PMFBP1: variants seen among roughly 807,000 people sequenced by gnomAD.
The protein encoded by PMFBP1 is polyamine modulated factor 1 binding protein 1.
Under a neutral mutation model 137.8 loss-of-function variants are expected in PMFBP1, and 131 were observed. The ratio of observed to expected loss-of-function variants is 0.95; its 90% CI spans 0.82 to 1.10. The LOEUF is 1.10. Among genes scored for constraint, PMFBP1 ranks in the 50% least tolerant of loss-of-function variants. PMFBP1 has a pLI of 0.00. For synonymous variants in PMFBP1, 490 were observed against 450.4 expected (o/e 1.09, Z -1.11); for missense variants, 1,199 against 1,175.4 (o/e 1.02, Z -0.29).
the PMFBP1 span, among the ~76,000 whole-genome samples, chr16:72,244,202 T>C: frequency 6.6e-6 from 1 of 151,990 alleles, no homozygotes; most frequent in African/African-American, 2.4e-5. Flanking sequence ...TTCAGTCAAA[T>C]GAAAAATACT....
chr16:72,164,415 A>C (rs1197099382), intron 3 of PMFBP1: 1 of 1,317,686 alleles, frequency 7.6e-7, no homozygotes, highest in Admixed American at 2.3e-5. Context: ...TTGACTTAGA[A>C]GTTTGTCTGA....
At chr16:72,178,523 C>T (rs1271885654), upstream of PMFBP1, among the ~76,000 whole-genome samples, 1 of 152,108 alleles carries the variant, frequency 6.6e-6, no homozygotes, top group Non-Finnish European at 1.5e-5. Context: ...TTCGCTGGAA[C>T]TCTTCTGTAA....
chr16:72,131,359 A>G (rs2042547135), intron 10 of PMFBP1, among the ~76,000 whole-genome samples: 1 of 152,200 alleles, frequency 6.6e-6, no homozygotes, highest in Non-Finnish European at 1.5e-5. Context: ...GAAGCCTAAG[A>G]GAAATGCTTA....
chr16:72,177,823 C>T (rs187422869), upstream of PMFBP1, among the ~76,000 whole-genome samples: 24 of 152,234 alleles, frequency 1.6e-4, no homozygotes, highest in Middle Eastern at 3.4e-3. Flanking sequence ...CCTTGTCTTC[C>T]GTGACTTGGA....
At chr16:72,197,033 C>T in the PMFBP1 span, among the ~76,000 whole-genome samples, 2 of 152,294 alleles carry the variant, frequency 1.3e-5, no homozygotes, top group East Asian at 3.9e-4. Context: ...ACAAGCAGCC[C>T]AGTGACTCTA....
the PMFBP1 span, among the ~76,000 whole-genome samples, chr16:72,248,898 T>A: frequency 1.5e-4 from 23 of 152,286 alleles, no homozygotes; most frequent in African/African-American, 5.3e-4. Context: ...GGGCTGCACA[T>A]GGGGAAGACT....
chr16:72,243,378 G>A, the PMFBP1 span, among the ~76,000 whole-genome samples: 1 of 152,170 alleles, frequency 6.6e-6, no homozygotes, highest in African/African-American at 2.4e-5. Flanking sequence ...CTGCCAGCAG[G>A]ACAGGAGAGT....
chr16:72,156,827 C>CA (rs2042988070), intron 3 of PMFBP1, among the ~76,000 whole-genome samples: 1 of 151,996 alleles, frequency 6.6e-6, no homozygotes, highest in African/African-American at 2.4e-5. Flanking sequence ...ATGTGCTCAG[C>CA]AAATAATGTG....
At chr16:72,246,086 GGGA>G in the PMFBP1 span, among the ~76,000 whole-genome samples, 1 of 152,166 alleles carries the variant, frequency 6.6e-6, no homozygotes, top group Non-Finnish European at 1.5e-5. Flanking sequence ...ATGCGCACTG[GGGA>G]GGGAGGAGAT....
chr16:72,240,459 C>G, the PMFBP1 span, among the ~76,000 whole-genome samples: 1 of 152,394 alleles, frequency 6.6e-6, no homozygotes, highest in East Asian at 1.9e-4. Context: ...GAATTCCTGA[C>G]TAGGCAGATC....
chr16:72,148,244 A>G (rs556671001), intron 5 of PMFBP1, among the ~76,000 whole-genome samples: 1 of 152,258 alleles, frequency 6.6e-6, no homozygotes, highest in South Asian at 2.1e-4. Flanking sequence ...ACTGGAAACC[A>G]TCATTCTCAG....
At chr16:72,122,240 T>C (rs2042387001) in intron 19 of PMFBP1, among the ~76,000 whole-genome samples, 1 of 152,222 alleles carries the variant, frequency 6.6e-6, no homozygotes, top group South Asian at 2.1e-4. Context: ...TTCTTTTTGA[T>C]AGCTGCATAG....
intron 3 of PMFBP1, among the ~76,000 whole-genome samples, chr16:72,161,332 A>C (rs1597488612): frequency 6.6e-6 from 1 of 152,090 alleles, no homozygotes; most frequent in East Asian, 1.9e-4. Context: ...TCCTGACCTC[A>C]GGTGATCCAC....
the PMFBP1 span, among the ~76,000 whole-genome samples, chr16:72,199,653 C>CAAAA: frequency 7.3e-5 from 6 of 82,388 alleles, no homozygotes; most frequent in Admixed American, 1.4e-4. Context: ...GACTCCGTCT[C>CAAAA]AAAAAAAAAA....
the PMFBP1 span, among the ~76,000 whole-genome samples, chr16:72,196,478 T>G: frequency 6.6e-6 from 1 of 152,176 alleles, no homozygotes; most frequent in African/African-American, 2.4e-5. Flanking sequence ...AACACCTGTC[T>G]TGTAAATCCT....
chr16:72,219,888 A>G, the PMFBP1 span, among the ~76,000 whole-genome samples: 2 of 152,244 alleles, frequency 1.3e-5, no homozygotes, highest in Non-Finnish European at 2.9e-5. Flanking sequence ...GGTCTTGGCC[A>G]TGTTAGGGTT....
chr16:72,223,101 A>G, the PMFBP1 span, among the ~76,000 whole-genome samples: 1 of 152,192 alleles, frequency 6.6e-6, no homozygotes, highest in East Asian at 1.9e-4. Flanking sequence ...CAGCAGGGCA[A>G]GAACTGGGGG....
the PMFBP1 span, among the ~76,000 whole-genome samples, chr16:72,229,931 T>C: frequency 6.6e-6 from 1 of 152,068 alleles, no homozygotes; most frequent in Non-Finnish European, 1.5e-5. Flanking sequence ...CCCTAGAAAA[T>C]GTTACTGTCC....
At chr16:72,182,641 G>C in the PMFBP1 span, among the ~76,000 whole-genome samples, 1 of 152,158 alleles carries the variant, frequency 6.6e-6, no homozygotes, top group South Asian at 2.1e-4. Flanking sequence ...AACCCAGTAT[G>C]CATTGGGTGA....
Sources: allele counts gnomAD v4.1 joint callset (sites outside exome capture counted in the v4.1 genomes callset), GRCh38; gene constraint gnomAD v4.1.1; transcripts MANE v1.5; gene names NCBI Gene and HGNC (gene_info 2026-07-23, HGNC 2026-07-21).